Variants in ZNF292 observed in about 807,000 individuals in gnomAD.
The protein encoded by ZNF292 is 16 zinc-finger domain protein.
ZNF292 carries 26 observed loss-of-function variants against 217.9 expected under a neutral mutation model. That is an observed-to-expected ratio of 0.12 (90% CI 0.09 to 0.17). The LOEUF (loss-of-function observed/expected upper bound fraction) is 0.17, where lower values mean the gene tolerates loss of function less well. Among genes scored for constraint, ZNF292 ranks in the 10% least tolerant of loss-of-function variants. ZNF292 has a pLI of 1.00. For missense variants in ZNF292, 2,904 were observed against 3,175.2 expected (o/e 0.91, Z 2.05); for synonymous variants, 1,257 against 1,124.1 (o/e 1.12, Z -2.37).
At chr6:87,252,801 G>A (rs12206735) in intron 7 of ZNF292, among the ~76,000 whole-genome samples, 2 of 152,168 alleles carry the variant, frequency 1.3e-5, no homozygotes, top group South Asian at 4.1e-4. Context: ...TTAAGGCACA[G>A]ATCTATCTAG....
At chr6:87,218,140 A>G (rs1294671751) in intron 3 of ZNF292, among the ~76,000 whole-genome samples, 1 of 152,138 alleles carries the variant, frequency 6.6e-6, no homozygotes, top group African/African-American at 2.4e-5. Flanking sequence ...TAAATGAAAA[A>G]ATCATGCATT....
intron 7 of ZNF292, among the ~76,000 whole-genome samples, chr6:87,252,909 TTTA>T (rs973753598): frequency 2.0e-5 from 3 of 151,926 alleles, no homozygotes; most frequent in East Asian, 3.9e-4. Flanking sequence ...TTTTTATTTT[TTTA>T]TTATTATTTT....
At position 87,255,068 on chromosome 6, in the gene ZNF292, A is replaced by G; in HGVS notation, c.1439A>G (p.Glu480Gly). 1 of 1,613,716 alleles carries G rather than the reference A, an allele frequency of 6.2e-7. No individual in the cohort carries two copies. Residue 480 changes from glutamate (E) to glycine (G), a missense_variant, in exon 8 of 8, where the codon GAA (glutamate) becomes GGA (glycine). Physicochemically the swap from Glu to Gly is moderately conservative, Grantham distance 98. Coordinates refer to ENST00000369577, the MANE Select transcript of ZNF292 (RefSeq NM_015021.3). ...IDELNDSEVY[E>G]KVVDYQEESK... ...GAACTAAATGACAGTGAAGTATATG[A>G]AAAAGTGGTAGACTACCAAGAAGAG... is the stretch of plus-strand genomic sequence containing the variant.
At chr6:87,191,748 C>T (rs1212757027) in intron 1 of ZNF292, among the ~76,000 whole-genome samples, 1 of 152,222 alleles carries the variant, frequency 6.6e-6, no homozygotes, top group Admixed American at 6.5e-5. Context: ...CTCACTGCAA[C>T]ATCCGCTTCC....
intron 1 of ZNF292, among the ~76,000 whole-genome samples, chr6:87,182,344 C>A (rs1244639429): frequency 6.6e-6 from 1 of 152,144 alleles, no homozygotes; most frequent in African/African-American, 2.4e-5. Context: ...AATTCTATTA[C>A]TTTATTATCA....
chr6:87,162,216 G>T (rs1562117057), intron 1 of ZNF292, among the ~76,000 whole-genome samples: 1 of 152,156 alleles, frequency 6.6e-6, no homozygotes, highest in Non-Finnish European at 1.5e-5. Context: ...GCCATTATTG[G>T]TGCCTGATTG....
chr6:87,190,943 C>T (rs7776407), intron 1 of ZNF292, among the ~76,000 whole-genome samples: 95,291 of 151,996 alleles, frequency 0.63, 31,351 homozygotes, highest in African/African-American at 0.83. Flanking sequence ...TTCCACTCTT[C>T]AGAGGTAGCT....
chr6:87,261,631 A>G lies in ZNF292; in HGVS notation c.8002A>G (p.Ile2668Val). The G allele has an allele frequency of 6.2e-7, 1 of 1,611,672 alleles. No homozygotes were observed. The highest frequency in any genetic ancestry group is 8.5e-7 in the Non-Finnish European group (1 of 1,178,660). The change falls in exon 8 of 8, where the codon ATT (isoleucine) becomes GTT (valine). Residue 2668 changes from isoleucine (I) to valine (V), a missense_variant. Transcript: ENST00000369577. ...GCTTCAGTGCAGTGATAATGTAAAA[A>G]TTGTTTTAGACAAGAATCTTAAAGA... ...SQLQCSDNVK[I>V]VLDKNLKDCT...
intron 1 of ZNF292, among the ~76,000 whole-genome samples, chr6:87,167,905 A>C (rs1198249505): frequency 6.6e-6 from 1 of 152,242 alleles, no homozygotes; most frequent in African/African-American, 2.4e-5. Flanking sequence ...TTCTTTACCT[A>C]TAAAGGCAGA....
intron 1 of ZNF292, among the ~76,000 whole-genome samples, chr6:87,161,143 T>G (rs1770741871): frequency 6.6e-6 from 1 of 152,130 alleles, no homozygotes; most frequent in Non-Finnish European, 1.5e-5. Flanking sequence ...TACAAGCAAT[T>G]GCATAAACAG....
intron 1 of ZNF292, among the ~76,000 whole-genome samples, chr6:87,167,858 A>G (rs1045737382): frequency 1.4e-4 from 21 of 152,218 alleles, no homozygotes; most frequent in Non-Finnish European, 2.2e-4. Context: ...CTGGCATTCA[A>G]AATTAAAGCA....
At chr6:87,243,365 C>T (rs1026775270) in intron 5 of ZNF292, 110 bp from the exon 6 acceptor site, 7 of 894,552 alleles carry the variant, frequency 7.8e-6, no homozygotes, top group Admixed American at 3.9e-5. Context: ...GAATTAATGG[C>T]ATTTTATTCA....
At chr6:87,253,220 CTTTTT>C (rs66511840) in intron 7 of ZNF292, among the ~76,000 whole-genome samples, 61,801 of 118,526 alleles carry the variant, frequency 0.52, 15,483 homozygotes, top group Admixed American at 0.63. Context: ...CATGCCCAGC[CTTTTT>C]TTTTTTTTTT....
chr6:87,237,280 C>T (rs1773948735), intron 5 of ZNF292, among the ~76,000 whole-genome samples: 1 of 152,160 alleles, frequency 6.6e-6, no homozygotes, highest in Non-Finnish European at 1.5e-5. Flanking sequence ...TAAGCTTGCT[C>T]TGTTGCCCAG....
chr6:87,241,683 G>A (rs1255047724), intron 5 of ZNF292, among the ~76,000 whole-genome samples: 1 of 152,206 alleles, frequency 6.6e-6, no homozygotes, highest in African/African-American at 2.4e-5. Context: ...GCCTTCCAAA[G>A]TGTTTGGATT....
Position 87,172,991 on chromosome 6 carries a change from A to G in ZNF292, c.168+17232A>G, listed in dbSNP as rs1453385294. The stretch of plus-strand genomic sequence containing the variant: ...CTGTTTCAAATAAAATTAAAAACCT[A>G]TATTTAACTCATTTTTAATGATGTA... On this transcript the variant is annotated intron_variant, in intron 1 of 7. Transcript: ENST00000369577. 3.3e-5 allele frequency among the ~76,000 whole-genome samples: 5 copies of G among 152,088 alleles called. No individual in the cohort carries two copies. In the East Asian group the frequency reaches 7.7e-4, roughly 23 times the overall value.
At chr6:87,248,266 A>AT (rs1309680811) in intron 7 of ZNF292, among the ~76,000 whole-genome samples, 3 of 152,210 alleles carry the variant, frequency 2.0e-5, no homozygotes, top group Non-Finnish European at 4.4e-5. Context: ...ATCCCTCTTT[A>AT]TAAGTACCTT....
rs773829874 is a variant in ZNF292, at chr6:87,254,762, T to G, written c.1133T>G (p.Leu378Trp). ...KISICKTISC[L>W]LPDDLEVKRA... ...TCTATTTGCAAGACCATTTCATGTT[T>G]GTTGCCTGATGATCTGGAAGTTAAA... Residue 378 changes from leucine (L) to tryptophan (W), a missense_variant, in exon 8 of 8, where the codon TTG becomes TGG. Physicochemically the swap from Leu to Trp is moderately conservative, Grantham distance 61 (BLOSUM62 -2). Around this residue, in one of 15 missense-constraint regions of ZNF292, gnomAD observed 313 missense variants for 451.0 expected, o/e 0.69. Coordinates refer to ENST00000369577, the MANE Select transcript of ZNF292 (RefSeq NM_015021.3). 6.2e-7 allele frequency: 1 copy of G among 1,614,002 alleles called. No homozygotes were observed. The highest frequency in any genetic ancestry group is 8.5e-7 in the Non-Finnish European group (1 of 1,179,852).
At chr6:87,214,201 A>G (rs1772626144) in intron 1 of ZNF292, among the ~76,000 whole-genome samples, 2 of 152,194 alleles carry the variant, frequency 1.3e-5, no homozygotes, top group Non-Finnish European at 2.9e-5. Flanking sequence ...TAATGTAGGC[A>G]GCTTCATCTC....
Sources: gnomAD v4.1 joint callset for allele counts (sites outside exome capture counted in the v4.1 genomes callset) on GRCh38, gnomAD v4.1.1 for gene constraint, gnomAD v4.1.1 regional missense constraint, MANE v1.5 for transcripts, NCBI Gene and HGNC (gene_info 2026-07-23, HGNC 2026-07-21) for gene names.